The following MACF1 variants were observed in gnomAD, a reference collection of about 807,000 sequenced individuals.
The protein encoded by MACF1 is microtubule actin crosslinking factor 1, also known as microtubule-actin cross-linking factor 1.
MACF1 carries 193 observed loss-of-function variants against 854.8 expected under a neutral mutation model. That is an observed-to-expected ratio of 0.23 (90% confidence interval 0.20 to 0.25). The LOEUF (loss-of-function observed/expected upper bound fraction) is 0.25. Ranked by LOEUF, MACF1 falls within the 10% of genes least tolerant of loss-of-function variation. The probability of loss-of-function intolerance (pLI) is 1.00; values close to 1 mark genes in which losing one functional copy is unlikely to be tolerated. For synonymous variants in MACF1, 3,185 were observed against 3,226.7 expected (o/e 0.99, Z 0.44); for missense variants, 7,722 against 8,929.1 (o/e 0.86, Z 5.45).
intron 58 of MACF1, among the ~76,000 whole-genome samples, chr1:39,389,650 G>A (rs962177007): frequency 6.6e-6 from 1 of 152,000 alleles, no homozygotes; most frequent in Non-Finnish European, 1.5e-5. Flanking sequence ...ATTAGTCACC[G>A]CACTCAGCCC....
intron 15 of MACF1, among the ~76,000 whole-genome samples, chr1:39,291,000 C>T (rs2148397967): frequency 6.7e-6 from 1 of 148,510 alleles, no homozygotes; most frequent in South Asian, 2.1e-4. Flanking sequence ...GAGACAGAGT[C>T]TCACTCCGTC....
intron 27 of MACF1, 89 bp downstream of exon 27, chr1:39,315,780 G>A: frequency 7.7e-7 from 1 of 1,294,840 alleles, no homozygotes; most frequent in Non-Finnish European, 1.1e-6. Flanking sequence ...GAATAATACA[G>A]AGAGATTATA....
chr1:39,316,050 G>A (rs1277402149), intron 27 of MACF1, among the ~76,000 whole-genome samples: 1 of 152,164 alleles, frequency 6.6e-6, no homozygotes, highest in African/African-American at 2.4e-5. Flanking sequence ...AGACTTTGAA[G>A]GTCTTCCCTC....
intron 42 of MACF1, 90 bp downstream of exon 42, chr1:39,349,717 C>T (rs1169299843): frequency 6.5e-6 from 9 of 1,377,704 alleles, no homozygotes; most frequent in African/African-American, 2.9e-5. Context: ...ACTGCAGCTT[C>T]GATCTCCTGG....
chr1:39,251,122 T>C (rs965198139), intron 3 of MACF1, among the ~76,000 whole-genome samples: 7 of 152,246 alleles, frequency 4.6e-5, no homozygotes, highest in African/African-American at 7.2e-5. Flanking sequence ...ATTCAGCTCC[T>C]TCTAGGATTG....
chr1:39,360,533 A>G (rs189480842), intron 47 of MACF1, among the ~76,000 whole-genome samples: 85 of 151,960 alleles, frequency 5.6e-4, no homozygotes, highest in Non-Finnish European at 1.1e-3. Flanking sequence ...AATTATTATT[A>G]CAATTACTAT....
intron 2 of MACF1, among the ~76,000 whole-genome samples, chr1:39,134,988 T>G (rs1003896059): frequency 1.3e-5 from 2 of 152,178 alleles, no homozygotes; most frequent in Non-Finnish European, 2.9e-5. Flanking sequence ...TACTTTCTGT[T>G]TCTATGCATT....
chr1:39,346,284 C>T (rs903585297), intron 40 of MACF1, among the ~76,000 whole-genome samples: 1 of 151,842 alleles, frequency 6.6e-6, no homozygotes, highest in African/African-American at 2.4e-5. Flanking sequence ...ATAGCATGAA[C>T]CTGGGAGGCA....
intron 2 of MACF1, among the ~76,000 whole-genome samples, chr1:39,151,122 T>C (rs1013999858): frequency 1.3e-5 from 2 of 152,222 alleles, no homozygotes; most frequent in African/African-American, 4.8e-5. Context: ...TACTCCTTAC[T>C]TTATTTAAGG....
intron 26 of MACF1, among the ~76,000 whole-genome samples, chr1:39,314,254 C>T (rs531662303): frequency 7.0e-4 from 107 of 152,002 alleles, no homozygotes; most frequent in African/African-American, 2.4e-3. Flanking sequence ...ACTAATAATA[C>T]AAAAATTAGC....
rs749576549 is a variant in MACF1, at chr1:39,430,715, A to C, written c.17144A>C (p.Glu5715Ala). ...FQQRQKELKK[E>A]VMEHRLVLDT... Reference sequence around the variant, plus strand: ...TTCCCTCCTTAGGAATTAAAGAAGGAGGTCATGGAGCACAGGCTGGTGTTG... The same window carrying C: ...TTCCCTCCTTAGGAATTAAAGAAGGCGGTCATGGAGCACAGGCTGGTGTTG... The change falls in exon 66 of 101, where the codon GAG (glutamate) becomes GCG (alanine). Residue 5715 changes from glutamate to alanine, a missense_variant. Transcript: ENST00000564288. 80 of 1,611,982 alleles carry C rather than the reference A, an allele frequency of 5.0e-5. No homozygotes were observed. The highest frequency in any genetic ancestry group is 5.9e-5 in the Non-Finnish European group (70 of 1,179,880).
rs16826072 is a variant in MACF1 at position 39,332,761 on chromosome 1, C to G, written c.6173C>G (p.Thr2058Ser). Residue 2058 changes from threonine (T) to serine (S), a missense_variant, in exon 37 of 101, where the codon ACT (threonine) becomes AGT (serine). By Grantham distance (58) the Thr-to-Ser change is moderately conservative. This residue lies in a region of MACF1 where 1,531 missense variants were observed against 1,601.6 expected (regional missense o/e 0.96). Coordinates refer to ENST00000564288, the MANE Select transcript of MACF1 (RefSeq NM_001394062.1). ...NKEYPDREDC[T>S]TEKGKKTTVE... ...GAATATCCCGATCGGGAAGATTGCA[C>G]TACAGAAAAAGGCAAAAAGACCACT... The G allele has an allele frequency of 3.2e-4, 513 of 1,614,120 alleles. 2 individuals carry two copies. In the African/African-American group the frequency reaches 6.3e-3, roughly 20 times the overall value.
intron 98 of MACF1, 63 bp from the exon 99 acceptor site, chr1:39,480,857 G>A (rs1337302445): frequency 1.2e-6 from 1 of 827,182 alleles, no homozygotes. Context: ...TGTTCCCAAT[G>A]TGCACCCTTT....
chr1:39,088,548 A>G (rs1371618884), intron 2 of MACF1, among the ~76,000 whole-genome samples: 1 of 152,192 alleles, frequency 6.6e-6, no homozygotes, highest in African/African-American at 2.4e-5. Context: ...GAAAGGGGAG[A>G]GACAAAGATC....
chr1:39,275,928 T>TTC (rs1196256673), intron 6 of MACF1, among the ~76,000 whole-genome samples: 29 of 31,396 alleles, frequency 9.2e-4, no homozygotes, highest in South Asian at 2.0e-3. Flanking sequence ...TCTTCTTCTT[T>TTC]TTTTTTTTTT....
At chr1:39,396,667 T>G (rs1403523879) in intron 58 of MACF1, among the ~76,000 whole-genome samples, 2 of 152,244 alleles carry the variant, frequency 1.3e-5, no homozygotes, top group Non-Finnish European at 2.9e-5. Context: ...CTGGGCACTT[T>G]CAAGCTCGCT....
intron 2 of MACF1, among the ~76,000 whole-genome samples, chr1:39,189,369 G>T (rs956555025): frequency 6.6e-6 from 1 of 152,138 alleles, no homozygotes; most frequent in African/African-American, 2.4e-5. Context: ...TTTTCTGTGG[G>T]TTTGTGCCAT....
chr1:39,102,599 A>G (rs2148133243), intron 2 of MACF1: 2 of 605,242 alleles, frequency 3.3e-6, no homozygotes, highest in East Asian at 5.5e-5. Flanking sequence ...AGAAATAGAA[A>G]GTGGCAGGGC....
chr1:39,424,223 G>A, intron 61 of MACF1, 29 bp downstream of exon 61: 3 of 1,595,966 alleles, frequency 1.9e-6, no homozygotes, highest in Non-Finnish European at 2.6e-6. Context: ...TGAGGAGTGG[G>A]TCAGAGGTTT....
Sources: gnomAD v4.1 joint callset for allele counts (sites outside exome capture counted in the v4.1 genomes callset) on GRCh38, gnomAD v4.1.1 for gene constraint, gnomAD v4.1.1 regional missense constraint, MANE v1.5 for transcripts, NCBI Gene and HGNC (gene_info 2026-07-23, HGNC 2026-07-21) for gene names.